Variants in PTH1R observed in about 807,000 individuals in gnomAD.
The protein encoded by PTH1R is parathyroid hormone/parathyroid hormone-related peptide receptor.
PTH1R carries 32 observed loss-of-function variants against 70.7 expected under a neutral mutation model. The observed-to-expected ratio is 0.45, with a 90% CI of 0.34 to 0.61. The LOEUF (loss-of-function observed/expected upper bound fraction) is 0.61, where lower values mean the gene tolerates loss of function less well. PTH1R is among the 20% of genes least tolerant of loss of function. The pLI, the probability that PTH1R is intolerant of heterozygous loss-of-function variation, is 0.01. For synonymous variants in PTH1R, 329 were observed against 324.8 expected (o/e 1.01, Z -0.14); for missense variants, 626 against 792.5 (o/e 0.79, Z 2.52).
chr3:46,895,220 G>A (rs765822723), intron 4 of PTH1R, among the ~76,000 whole-genome samples: 10 of 152,248 alleles, frequency 6.6e-5, no homozygotes, highest in Non-Finnish European at 1.5e-4. Flanking sequence ...AGGGGATGGG[G>A]TGGTCTTCTC....
In PTH1R at chr3:46,903,406, G is replaced by A. The variant is rs201315349; in HGVS notation, c.1532G>A (p.Arg511His). The change falls in exon 16 of 16, where the codon CGT (arginine) becomes CAT (histidine). Residue 511 changes from arginine to histidine, a missense_variant. Physicochemically the swap from Arg to His is conservative, Grantham distance 29. Around this residue, in one of 3 missense-constraint regions of PTH1R, gnomAD observed 495 missense variants for 638.7 expected, o/e 0.77. Transcript: ENST00000449590. This position sits in a 1 kb window ranked among gnomAD's most constrained non-coding sequence, Gnocchi z 4.4. ...SHTSVTNVGP[R>H]VGLGLPLSPR... ...ACAAGTGTGACCAATGTCGGCCCCCGTGTGGGACTCGGCCTGCCCCTCAGC... is the reference window on the plus strand; with the variant it reads ...ACAAGTGTGACCAATGTCGGCCCCCATGTGGGACTCGGCCTGCCCCTCAGC... 1.2e-5 allele frequency: 20 copies of A among 1,613,304 alleles called. 1 individual carries two copies. Among genetic ancestry groups the A allele is most frequent in the Admixed American group, 1.2e-4 (7 of 60,024 alleles).
Position 46,901,435 on chromosome 3 carries a change from G to C in PTH1R, c.1071G>C (p.Gly357=). Residue 357 remains glycine (G), a synonymous_variant, in exon 12 of 16, where the codon GGG becomes GGC. Coordinates refer to ENST00000449590, the MANE Select transcript of PTH1R (RefSeq NM_000316.3). This position sits in a 1 kb window ranked among gnomAD's most constrained non-coding sequence, Gnocchi z 7.3. The stretch of plus-strand genomic sequence containing the variant: ...CCAGGTGCTGGGACTTGAGCTCCGG[G>C]AACAAAAAGTGGATCATCCAGGTGC... ...ANTGCWDLSS[G]NKKWIIQVPI... The C allele has an allele frequency of 6.3e-7, 1 of 1,576,258 alleles. No individual in the cohort carries two copies. Among genetic ancestry groups the C allele is most frequent in the Non-Finnish European group, 8.6e-7 (1 of 1,160,230 alleles).
rs2032173650 is a variant in PTH1R, at chr3:46,902,305, C to T, written c.1212-221C>T. On this transcript the variant is annotated intron_variant, in intron 13 of 15. Transcript: ENST00000449590. The surrounding 1 kb of genome is among the most constrained non-coding windows in gnomAD (Gnocchi z 5.4). The stretch of plus-strand genomic sequence containing the variant: ...AAGGGCCCAGGGACAGGGGGACTGT[C>T]ATTTGAAGTCCGCTCCGGGACACCG... 6.6e-6 allele frequency among the ~76,000 whole-genome samples: 1 copy of T among 152,204 alleles called. No individual in the cohort carries two copies. The highest frequency in any genetic ancestry group is 1.5e-5 in the Non-Finnish European group (1 of 68,040).
chr3:46,886,155 C>A (rs1189036775), intron 3 of PTH1R, among the ~76,000 whole-genome samples: 1 of 152,154 alleles, frequency 6.6e-6, no homozygotes, highest in Non-Finnish European at 1.5e-5. Flanking sequence ...CTTGAGGATG[C>A]GTCCTCCTAA....
chr3:46,901,288 C>T lies in PTH1R; in HGVS notation c.1050-126C>T. On this transcript the variant is annotated intron_variant, in intron 11 of 15. Coordinates refer to ENST00000449590, the MANE Select transcript of PTH1R (RefSeq NM_000316.3). This position sits in a 1 kb window ranked among gnomAD's most constrained non-coding sequence, Gnocchi z 7.3. ...CCTGTGAGGGAGGCCTCAGGCCTGGCCACACCCAGCACCCCTGCCCTGTGT... is the reference window on the plus strand; with the variant it reads ...CCTGTGAGGGAGGCCTCAGGCCTGGTCACACCCAGCACCCCTGCCCTGTGT... The T allele has an allele frequency of 7.5e-7, 1 of 1,337,380 alleles. No homozygotes were observed. The highest frequency in any genetic ancestry group is 1.0e-6 in the Non-Finnish European group (1 of 957,922). The allele number at this position is 1,337,380 out of a possible 1,614,324, so 82.8% of individuals were successfully genotyped here. A position where few individuals can be genotyped will look rare whatever the true frequency, so the allele number is the denominator to read the frequency against.
At chr3:46,897,246 C>T (rs1053144889) in intron 5 of PTH1R, among the ~76,000 whole-genome samples, 1 of 152,236 alleles carries the variant, frequency 6.6e-6, no homozygotes, top group Non-Finnish European at 1.5e-5. Flanking sequence ...TGTTGTATGA[C>T]CTCAGCAAGT....
chr3:46,894,637 C>T (rs1229504374), intron 4 of PTH1R, among the ~76,000 whole-genome samples: 1 of 152,082 alleles, frequency 6.6e-6, no homozygotes, highest in Non-Finnish European at 1.5e-5. Flanking sequence ...CCTCTCGCTT[C>T]CTACTGTACC....
rs1559527208 is a variant in PTH1R at position 46,883,183 on chromosome 3, C to CGGCGCGGGAGG, written c.-48-326_-48-316dup. Reference sequence around the variant, plus strand: ...AAGAAAGAAAGAAAGAAAGAAAAGGCGGCGCGGGAGGGGGGCGGGGGGCGG... The same window carrying CGGCGCGGGAGG: ...AAGAAAGAAAGAAAGAAAGAAAAGGCGGCGCGGGAGGGGCGCGGGAGGGGGGCGGGGGGCGG... On this transcript the variant is annotated intron_variant, in intron 2 of 15. Transcript: ENST00000449590. This position sits in a 1 kb window ranked among gnomAD's most constrained non-coding sequence, Gnocchi z 6.4. Among the ~76,000 whole-genome samples, 3 of 147,354 alleles carry CGGCGCGGGAGG rather than the reference C, an allele frequency of 2.0e-5. No homozygotes were observed. The highest frequency in any genetic ancestry group is 4.5e-5 in the Non-Finnish European group (3 of 66,438).
intron 3 of PTH1R, among the ~76,000 whole-genome samples, chr3:46,888,267 G>A (rs980808550): frequency 2.0e-5 from 3 of 152,236 alleles, no homozygotes; most frequent in African/African-American, 7.2e-5. Context: ...TGGGTTATTT[G>A]TCTTTTTCGT....
In PTH1R at chr3:46,901,979, C is replaced by T. The variant is rs565748117; in HGVS notation, c.1211+119C>T. On this transcript the variant is annotated intron_variant, in intron 13 of 15. Transcript: ENST00000449590. The surrounding 1 kb of genome is among the most constrained non-coding windows in gnomAD (Gnocchi z 7.3). Reference sequence around the variant, plus strand: ...TCCTGGGGCAAGGGAAAGGACCCAGCGTCTGACTCCCTGGCTGTCCTCACC... The same window carrying T: ...TCCTGGGGCAAGGGAAAGGACCCAGTGTCTGACTCCCTGGCTGTCCTCACC... 1.4e-4 allele frequency: 158 copies of T among 1,130,584 alleles called. 2 individuals carry two copies. The South Asian group carries it at 1.9e-3, about 13-fold the overall frequency. 70.0% of individuals were successfully genotyped at this position (1,130,584 alleles called of 1,614,324 possible). A position where few individuals can be genotyped will look rare whatever the true frequency, so the allele number is the denominator to read the frequency against.
At chr3:46,880,340 T>C (rs1472721896) in intron 1 of PTH1R, 1 of 152,074 alleles carries the variant, frequency 6.6e-6, no homozygotes, top group African/African-American at 2.4e-5. Flanking sequence ...ACAGTTCCTG[T>C]TAGGGAGAGT....
chr3:46,897,645 C>T (rs574566899), intron 5 of PTH1R, among the ~76,000 whole-genome samples: 104 of 152,246 alleles, frequency 6.8e-4, no homozygotes, highest in Middle Eastern at 3.4e-3. Flanking sequence ...GCAGGAGAAT[C>T]GCTTGAACCT....
At position 46,903,424 on chromosome 3, in the gene PTH1R, C is replaced by A. The variant is rs778714150; in HGVS notation, c.1550C>A (p.Pro517His). Residue 517 changes from proline (P) to histidine (H), a missense_variant, in exon 16 of 16, where the codon CCC (proline) becomes CAC (histidine). Coordinates refer to ENST00000449590, the MANE Select transcript of PTH1R (RefSeq NM_000316.3). This position sits in a 1 kb window ranked among gnomAD's most constrained non-coding sequence, Gnocchi z 4.4. Reference sequence around the variant, plus strand: ...GGCCCCCGTGTGGGACTCGGCCTGCCCCTCAGCCCCCGCCTACTGCCCACT... The same window carrying A: ...GGCCCCCGTGTGGGACTCGGCCTGCACCTCAGCCCCCGCCTACTGCCCACT... Reference protein sequence around the residue: ...NVGPRVGLGLPLSPRLLPTAT... With the variant: ...NVGPRVGLGLHLSPRLLPTAT... The A allele has an allele frequency of 6.2e-7, 1 of 1,613,148 alleles. No individual in the cohort carries two copies. The highest frequency in any genetic ancestry group is 2.2e-5 in the East Asian group (1 of 44,880).
rs1478445615 is a variant in PTH1R, at chr3:46,893,781, A to G, written c.76-126A>G. 4.3e-5 allele frequency: 37 copies of G among 856,648 alleles called. No individual in the cohort carries two copies. Among genetic ancestry groups the G allele is most frequent in the African/African-American group, 1.7e-5 (1 of 59,838 alleles). The allele number at this position is 856,648 out of a possible 1,614,324, so 53.1% of individuals were successfully genotyped here. On this transcript the variant is annotated intron_variant, in intron 3 of 15. Transcript: ENST00000449590. This position sits in a 1 kb window ranked among gnomAD's most constrained non-coding sequence, Gnocchi z 5.2. ...AGCAGATTCCCCACATGCAGGGGAA[A>G]TCCCACCTTCCCTCTAGAGTCAGGG...
At position 46,896,691 on chromosome 3, in the gene PTH1R, T is replaced by G. The variant is rs1466882165; in HGVS notation, c.313+822T>G. 6.6e-6 allele frequency among the ~76,000 whole-genome samples: 1 copy of G among 151,486 alleles called. No homozygotes were observed. The highest frequency in any genetic ancestry group is 2.4e-5 in the African/African-American group (1 of 41,172). ...GCAGCCTTCCAGGGTGGCTGGAGAG[T>G]CCTGTGGTTGGAGCCCTACAGAGGG... On this transcript the variant is annotated intron_variant, in intron 5 of 15. Transcript: ENST00000449590. This position sits in a 1 kb window ranked among gnomAD's most constrained non-coding sequence, Gnocchi z 4.1.
Position 46,893,521 on chromosome 3 carries a change from G to T in PTH1R, c.76-386G>T, listed in dbSNP as rs2031554792. On this transcript the variant is annotated intron_variant, in intron 3 of 15. Transcript: ENST00000449590. This position sits in a 1 kb window ranked among gnomAD's most constrained non-coding sequence, Gnocchi z 5.2. The stretch of plus-strand genomic sequence containing the variant: ...GTTCACCACTCCTTATCCACCCCCT[G>T]CCCCCGACTCATGTCCCCAGCAGGC... Among the ~76,000 whole-genome samples the T allele has an allele frequency of 6.6e-6, 1 of 152,060 alleles. No homozygotes were observed. Among genetic ancestry groups the T allele is most frequent in the African/African-American group, 2.4e-5 (1 of 41,390 alleles).
rs200079778 is a variant in PTH1R, at chr3:46,903,233, G to T, written c.1396-37G>T. 2.0e-5 allele frequency: 33 copies of T among 1,610,092 alleles called. No individual in the cohort carries two copies. The highest frequency in any genetic ancestry group is 2.5e-5 in the Non-Finnish European group (29 of 1,179,516). ...CGGGATGGGGCATCGCTGGGGTTGG[G>T]AGACACACCTGACTGCCGCACCCTT... On this transcript the variant is annotated intron_variant, in intron 15 of 15. Transcript: ENST00000449590. The surrounding 1 kb of genome is among the most constrained non-coding windows in gnomAD (Gnocchi z 4.4).
chr3:46,891,351 G>A lies in PTH1R; in HGVS notation c.76-2556G>A, dbSNP rs1345386984. On this transcript the variant is annotated intron_variant, in intron 3 of 15. Coordinates refer to ENST00000449590, the MANE Select transcript of PTH1R (RefSeq NM_000316.3). The surrounding 1 kb of genome is among the most constrained non-coding windows in gnomAD (Gnocchi z 4.3). ...GGGGTGTGTTGGTCAGCTTTCGGTG[G>A]TCAGGCTGCCCAATGGCCACTCAGT... 1.3e-5 allele frequency among the ~76,000 whole-genome samples: 2 copies of A among 152,236 alleles called. No homozygotes were observed. The highest frequency in any genetic ancestry group is 4.8e-5 in the African/African-American group (2 of 41,466).
At position 46,895,859 on chromosome 3, in the gene PTH1R, C is replaced by T. The variant is rs899226759; in HGVS notation, c.303C>T (p.Ser101=). The change falls in exon 5 of 16, where the codon AGC becomes AGT. Residue 101 remains serine (S), a synonymous_variant. Transcript: ENST00000449590. The part of the protein sequence containing the change: ...SEEDKEAPTG[S]RYRGRPCLPE... Reference sequence around the variant, plus strand: ...AGGACAAGGAGGCACCCACTGGCAGCAGGTACCGAGGTACGTCTCTGCTTC... The same window carrying T: ...AGGACAAGGAGGCACCCACTGGCAGTAGGTACCGAGGTACGTCTCTGCTTC... The T allele has an allele frequency of 5.6e-6, 9 of 1,613,210 alleles. No individual in the cohort carries two copies. The highest frequency in any genetic ancestry group is 7.6e-6 in the Non-Finnish European group (9 of 1,180,000).
Sources: allele counts gnomAD v4.1 joint callset (sites outside exome capture counted in the v4.1 genomes callset), GRCh38; gene constraint gnomAD v4.1.1; regional missense constraint gnomAD v4.1.1; non-coding constraint Gnocchi (gnomAD v3.1); transcripts MANE v1.5; gene names NCBI Gene and HGNC (gene_info 2026-07-23, HGNC 2026-07-21).